EMCN: variants seen among roughly 807,000 people sequenced by gnomAD.
EMCN encodes MUC-14.
EMCN carries 37 observed loss-of-function variants against 38.4 expected under a neutral mutation model. The ratio of observed to expected loss-of-function variants is 0.96; its 90% CI spans 0.74 to 1.27. EMCN has a LOEUF of 1.27. Ranked by LOEUF, EMCN falls within the 50% of genes most tolerant of loss-of-function variation. The pLI is 0.00. For missense variants in EMCN, 318 were observed against 302.8 expected (o/e 1.05, Z -0.37); for synonymous variants, 95 against 100.8 (o/e 0.94, Z 0.35).
chr4:100,461,682 A>C (rs4699802), intron 4 of EMCN, among the ~76,000 whole-genome samples: 60,082 of 151,986 alleles, frequency 0.4, 12,699 homozygotes, highest in East Asian at 0.78. Context: ...TGTTTTGAGT[A>C]TGATCTTCTT....
At chr4:100,471,580 C>A (rs964503457) in intron 3 of EMCN, among the ~76,000 whole-genome samples, 43 of 152,046 alleles carry the variant, frequency 2.8e-4, no homozygotes, top group African/African-American at 1.0e-3. Flanking sequence ...CACTTCCCAA[C>A]TTATTCTATG....
intron 11 of EMCN, among the ~76,000 whole-genome samples, chr4:100,407,206 G>A (rs1433635936): frequency 6.6e-6 from 1 of 152,100 alleles, no homozygotes; most frequent in East Asian, 1.9e-4. Context: ...TAAGTGGAGT[G>A]TTTAGCCCAC....
intron 4 of EMCN, among the ~76,000 whole-genome samples, chr4:100,462,896 G>A (rs890252160): frequency 2.6e-5 from 4 of 152,082 alleles, no homozygotes; most frequent in Admixed American, 6.6e-5. Context: ...TGTTTCTGAA[G>A]TTTCTAGACA....
At chr4:100,418,946 G>GT (rs1440741097) in intron 8 of EMCN, among the ~76,000 whole-genome samples, 3 of 151,976 alleles carry the variant, frequency 2.0e-5, no homozygotes, top group Non-Finnish European at 4.4e-5. Flanking sequence ...TGTATTTTTA[G>GT]TTTTTTTGAG....
chr4:100,420,975 A>G (rs1726870979), intron 8 of EMCN, among the ~76,000 whole-genome samples: 1 of 151,934 alleles, frequency 6.6e-6, no homozygotes, highest in South Asian at 2.1e-4. Flanking sequence ...TTTACCATAG[A>G]CAAGTTATGT....
intron 1 of EMCN, among the ~76,000 whole-genome samples, chr4:100,492,048 C>T (rs1560638809): frequency 6.6e-6 from 1 of 152,094 alleles, no homozygotes; most frequent in African/African-American, 2.4e-5. Context: ...CCAACAGTAA[C>T]CCTAAAGGGA....
intron 3 of EMCN, among the ~76,000 whole-genome samples, chr4:100,470,261 C>A (rs1456173604): frequency 6.6e-6 from 1 of 151,662 alleles, no homozygotes; most frequent in Non-Finnish European, 1.5e-5. Flanking sequence ...AGAAGACATA[C>A]ATGTAGCCAA....
At chr4:100,473,733 C>G (rs761152916) in intron 3 of EMCN, 1 of 152,142 alleles carries the variant, frequency 6.6e-6, no homozygotes, top group African/African-American at 2.4e-5. Flanking sequence ...CAAACCTTGA[C>G]GATTCTACAG....
At chr4:100,467,639 G>C (rs961054313) in intron 3 of EMCN, among the ~76,000 whole-genome samples, 1 of 137,820 alleles carries the variant, frequency 7.3e-6, no homozygotes, top group East Asian at 2.1e-4. Flanking sequence ...CCGGGATAGC[G>C]CCACTGCAGT....
intron 1 of EMCN, among the ~76,000 whole-genome samples, chr4:100,484,338 T>C (rs1728886562): frequency 6.6e-6 from 1 of 152,208 alleles, no homozygotes; most frequent in Admixed American, 6.6e-5. Context: ...TTTCAAATGA[T>C]AAAGTCATCT....
At chr4:100,473,603 A>T (rs941276275) in intron 3 of EMCN, among the ~76,000 whole-genome samples, 2 of 151,798 alleles carry the variant, frequency 1.3e-5, no homozygotes, top group Admixed American at 6.6e-5. Context: ...TTTGCAAAGG[A>T]AAAGAGATCC....
chr4:100,401,788 G>A (rs1368262992), intron 11 of EMCN, among the ~76,000 whole-genome samples: 1 of 152,102 alleles, frequency 6.6e-6, no homozygotes, highest in African/African-American at 2.4e-5. Context: ...TAACACCACA[G>A]TTCTTCACTG....
At chr4:100,412,865 A>G (rs533556939) in intron 10 of EMCN, among the ~76,000 whole-genome samples, 1 of 151,736 alleles carries the variant, frequency 6.6e-6, no homozygotes, top group South Asian at 2.1e-4. Context: ...AACATCAACC[A>G]TATTACTTAT....
At chr4:100,508,465 C>G (rs1027534308) in intron 1 of EMCN, among the ~76,000 whole-genome samples, 7 of 152,174 alleles carry the variant, frequency 4.6e-5, no homozygotes, top group Middle Eastern at 3.4e-3. Flanking sequence ...TAACAAAGAA[C>G]AAGGTGGTTT....
At chr4:100,422,933 G>T in intron 7 of EMCN, 88 bp downstream of exon 7, 1 of 1,289,822 alleles carries the variant, frequency 7.8e-7, no homozygotes, top group Non-Finnish European at 1.1e-6. Context: ...AGAAAAGGCT[G>T]CCCATAATCT....
At chr4:100,465,978 A>G (rs1019971546) in intron 3 of EMCN, among the ~76,000 whole-genome samples, 1 of 152,172 alleles carries the variant, frequency 6.6e-6, no homozygotes, top group African/African-American at 2.4e-5. Context: ...TAAGTATGGC[A>G]CTATTGTTCT....
intron 1 of EMCN, among the ~76,000 whole-genome samples, chr4:100,493,133 C>T (rs1729128522): frequency 6.6e-6 from 1 of 152,168 alleles, no homozygotes; most frequent in African/African-American, 2.4e-5. Flanking sequence ...GCTATACAGT[C>T]AGTTAACTAG....
At chr4:100,472,163 A>G (rs1240545524) in intron 3 of EMCN, among the ~76,000 whole-genome samples, 2 of 152,014 alleles carry the variant, frequency 1.3e-5, no homozygotes, top group African/African-American at 4.8e-5. Flanking sequence ...AAAACTATCT[A>G]TATTTGCAGA....
chr4:100,463,590 C>A (rs1728240382), intron 4 of EMCN, among the ~76,000 whole-genome samples: 1 of 152,060 alleles, frequency 6.6e-6, no homozygotes, highest in Non-Finnish European at 1.5e-5. Context: ...ATCATCATAA[C>A]ATAATCTAGT....
Sources: gnomAD v4.1 joint callset for allele counts (sites outside exome capture counted in the v4.1 genomes callset) on GRCh38, gnomAD v4.1.1 for gene constraint, MANE v1.5 for transcripts, NCBI Gene and HGNC (gene_info 2026-07-23, HGNC 2026-07-21) for gene names.